PRR11: variants seen among roughly 807,000 people sequenced by gnomAD.
PRR11 encodes the protein proline-rich protein 11.
In PRR11, 30 loss-of-function variants were observed where a neutral mutation model predicts 45.6. The ratio of observed to expected loss-of-function variants is 0.66; its 90% CI spans 0.49 to 0.89. The LOEUF (loss-of-function observed/expected upper bound fraction) is 0.89, where lower values mean the gene tolerates loss of function less well. PRR11 is among the 40% of genes least tolerant of loss of function. The pLI, the probability that PRR11 is intolerant of heterozygous loss-of-function variation, is 0.00. For synonymous variants in PRR11, 128 were observed against 153.5 expected (o/e 0.83, Z 1.23); for missense variants, 373 against 424.8 (o/e 0.88, Z 1.07).
At chr17:59,180,228 TC>T (rs2046774459) in intron 2 of PRR11, among the ~76,000 whole-genome samples, 1 of 150,708 alleles carries the variant, frequency 6.6e-6, no homozygotes, top group African/African-American at 2.5e-5. Flanking sequence ...TCTCCCAGGT[TC>T]CAGTGATTCT....
In PRR11 at chr17:59,185,571, T is replaced by C. The variant is rs780585581; in HGVS notation, c.402+9T>C. 45 of 1,584,816 alleles carry C rather than the reference T, an allele frequency of 2.8e-5. No individual in the cohort carries two copies. The East Asian group carries it at 1.0e-3, about 36-fold the overall frequency. On this transcript the variant is annotated intron_variant, in intron 4 of 9. Coordinates refer to ENST00000262293, the MANE Select transcript of PRR11 (RefSeq NM_018304.4). ...TCCAGGAAGCACTGAAGGTTGGTATTGTCAAATAAAAAGCAAATCTGGAAT... is the reference window on the plus strand; with the variant it reads ...TCCAGGAAGCACTGAAGGTTGGTATCGTCAAATAAAAAGCAAATCTGGAAT...
At chr17:59,175,335 CAACTGGTGGCCGA>C (rs1438238414) in intron 2 of PRR11, among the ~76,000 whole-genome samples, 1 of 152,200 alleles carries the variant, frequency 6.6e-6, no homozygotes, top group Non-Finnish European at 1.5e-5. Flanking sequence ...GACAAAAACC[CAACTGGTGGCCGA>C]GAGTGGTGGC....
At chr17:59,162,486 C>T (rs915258664) in intron 1 of PRR11, among the ~76,000 whole-genome samples, 1 of 152,064 alleles carries the variant, frequency 6.6e-6, no homozygotes, top group African/African-American at 2.4e-5. Flanking sequence ...AAATACAATA[C>T]AAGCCTTATT....
chr17:59,165,003 C>T (rs1568317671), intron 1 of PRR11, among the ~76,000 whole-genome samples: 1 of 151,780 alleles, frequency 6.6e-6, no homozygotes, highest in East Asian at 1.9e-4. Flanking sequence ...TTTTATCTTG[C>T]GTTTTTGTTT....
At chr17:59,200,190 T>C (rs1415705193) in intron 9 of PRR11, among the ~76,000 whole-genome samples, 1 of 152,234 alleles carries the variant, frequency 6.6e-6, no homozygotes, top group African/African-American at 2.4e-5. Flanking sequence ...TAGATATAGA[T>C]GACTTATCCC....
rs149148128 is a variant in PRR11 at position 59,202,199 on chromosome 17, C to A, written c.*568C>A. 6.5e-6 allele frequency: 1 copy of A among 153,732 alleles called. No individual in the cohort carries two copies. The highest frequency in any genetic ancestry group is 1.9e-4 in the East Asian group (1 of 5,226). The allele number at this position is 153,732 out of a possible 1,614,324, so 9.5% of individuals were successfully genotyped here. On this transcript the variant is annotated 3_prime_UTR_variant, in exon 10 of 10. Transcript: ENST00000262293. The stretch of plus-strand genomic sequence containing the variant: ...AAAGTGATGTTTATCCTGGAATTAC[C>A]CAATTTAGATTAGAGAGGTTGTTCA...
chr17:59,196,834 A>G (rs1024159447), intron 7 of PRR11, among the ~76,000 whole-genome samples: 2 of 151,896 alleles, frequency 1.3e-5, no homozygotes, highest in Non-Finnish European at 2.9e-5. Flanking sequence ...TTATGTTCCC[A>G]TCGGCATCTA....
intron 2 of PRR11, among the ~76,000 whole-genome samples, chr17:59,183,058 G>C (rs578076060): frequency 6.6e-6 from 1 of 152,142 alleles, no homozygotes; most frequent in South Asian, 2.1e-4. Context: ...CTTCCAATCA[G>C]GAAGGTTGGA....
In PRR11 at chr17:59,202,660, T is replaced by TC. The variant is rs2046898589; in HGVS notation, c.*1029_*1030insC. The TC allele has an allele frequency of 6.6e-6, 1 of 152,226 alleles. No homozygotes were observed. Among genetic ancestry groups the TC allele is most frequent in the African/African-American group, 2.4e-5 (1 of 41,458 alleles). The allele number at this position is 152,226 out of a possible 1,614,324, so 9.4% of individuals were successfully genotyped here. A position where few individuals can be genotyped will look rare whatever the true frequency, so the allele number is the denominator to read the frequency against. On this transcript the variant is annotated 3_prime_UTR_variant, in exon 10 of 10. Transcript: ENST00000262293. ...CAGAAGTCTAAGGTATTCCTTATTTTTATATCTGCTGTCCACATTTATACA... is the reference window on the plus strand; with the variant it reads ...CAGAAGTCTAAGGTATTCCTTATTTTCTATATCTGCTGTCCACATTTATACA...
chr17:59,158,867 A>C (rs1055833909), intron 1 of PRR11, among the ~76,000 whole-genome samples: 8 of 152,146 alleles, frequency 5.3e-5, no homozygotes, highest in African/African-American at 1.7e-4. Flanking sequence ...TGTGGTGTGC[A>C]CCCAGTGCAG....
intron 7 of PRR11, among the ~76,000 whole-genome samples, chr17:59,196,087 CAAAAAAAA>C (rs57940331): frequency 4.2e-5 from 3 of 71,362 alleles, no homozygotes; most frequent in African/African-American, 1.0e-4. Flanking sequence ...GACTCCATCT[CAAAAAAAA>C]AAAAAAAAAA....
intron 1 of PRR11, among the ~76,000 whole-genome samples, chr17:59,165,991 T>C (rs919106760): frequency 6.6e-6 from 1 of 152,310 alleles, no homozygotes. Context: ...AATTGGGACC[T>C]GATAGTTAGT....
chr17:59,183,309 G>A lies in PRR11; in HGVS notation c.129-1745G>A, dbSNP rs536325814. On this transcript the variant is annotated intron_variant, in intron 2 of 9. Coordinates refer to ENST00000262293, the MANE Select transcript of PRR11 (RefSeq NM_018304.4). ...AGCATTTTGGGGTCTCCTCTTCTCT[G>A]TACATGCCCATTTCAGAGTCCAGTC... Among the ~76,000 whole-genome samples the A allele has an allele frequency of 1.1e-4, 17 of 152,232 alleles. No individual in the cohort carries two copies. In the South Asian group the frequency reaches 2.7e-3, roughly 24 times the overall value.
rs367636501 is a variant in PRR11 at position 59,169,120 on chromosome 17, G to A, written c.-5-628G>A. 7.3e-4 allele frequency among the ~76,000 whole-genome samples: 100 copies of A among 136,206 alleles called. 2 individuals carry two copies. The highest frequency in any genetic ancestry group is 2.7e-3 in the African/African-American group (94 of 35,282). 89.4% of individuals were successfully genotyped at this position (136,206 alleles called of 152,430 possible). ...TTTTTTTTTTTTTTTTTTTTGAGGC[G>A]GAGTTTTCGCTCTTGTTGCCCAGGT... On this transcript the variant is annotated intron_variant, in intron 1 of 9. Transcript: ENST00000262293.
At position 59,205,912 on chromosome 17, in the gene PRR11, G is replaced by A. The variant is rs1429039152; in HGVS notation, c.*4281G>A. Among the ~76,000 whole-genome samples the A allele has an allele frequency of 6.6e-6, 1 of 151,810 alleles. No individual in the cohort carries two copies. The highest frequency in any genetic ancestry group is 2.4e-5 in the African/African-American group (1 of 41,304). ...AAAAATATATAAAAATTATCTGGGT[G>A]TGGTGGCATGTGCCTATAGTCTCAG... On this transcript the variant is annotated 3_prime_UTR_variant, in exon 10 of 10. Coordinates refer to ENST00000262293, the MANE Select transcript of PRR11 (RefSeq NM_018304.4).
At chr17:59,161,485 C>T (rs921409071) in intron 1 of PRR11, among the ~76,000 whole-genome samples, 1 of 151,146 alleles carries the variant, frequency 6.6e-6, no homozygotes, top group South Asian at 2.1e-4. Flanking sequence ...TACAGTGGCT[C>T]ACACCTGTAA....
At chr17:59,165,127 TCTC>T (rs2046673157) in intron 1 of PRR11, among the ~76,000 whole-genome samples, 1 of 151,688 alleles carries the variant, frequency 6.6e-6, no homozygotes, top group Non-Finnish European at 1.5e-5. Flanking sequence ...TTCACACCAT[TCTC>T]CTGCCTCAGC....
rs376636452 is a variant in PRR11 at position 59,174,885 on chromosome 17, C to T, written c.128+5005C>T. 556 of 1,181,330 alleles carry T rather than the reference C, an allele frequency of 4.7e-4. 5 individuals carry two copies. The South Asian group carries it at 5.7e-3, about 12-fold the overall frequency. 73.2% of individuals were successfully genotyped at this position (1,181,330 alleles called of 1,614,324 possible). ...GAAGATGGGGACTCCCCAGGATACC[C>T]CTCCCTCCCCTTGTCCAGCCTCCAG... On this transcript the variant is annotated intron_variant, in intron 2 of 9. Transcript: ENST00000262293.
intron 3 of PRR11, 98 bp downstream of exon 3, chr17:59,185,302 A>G: frequency 6.6e-7 from 1 of 1,521,832 alleles, no homozygotes; most frequent in Non-Finnish European, 8.9e-7. Flanking sequence ...CTCAAGCTAA[A>G]CTTAGATAAG....
Sources: gnomAD v4.1 joint callset for allele counts (sites outside exome capture counted in the v4.1 genomes callset) on GRCh38, gnomAD v4.1.1 for gene constraint, MANE v1.5 for transcripts, NCBI Gene and HGNC (gene_info 2026-07-23, HGNC 2026-07-21) for gene names.